RASGRP3: variants seen among roughly 807,000 people sequenced by gnomAD.
The protein encoded by RASGRP3 is ras guanyl-releasing protein 3.
A neutral mutation model predicts 82.7 loss-of-function variants in RASGRP3; 54 were observed. That is an observed-to-expected ratio of 0.65 (90% CI 0.52 to 0.82). RASGRP3 has a LOEUF of 0.82. Ranked by LOEUF, RASGRP3 falls within the 40% of genes least tolerant of loss-of-function variation. The pLI, the probability that RASGRP3 is intolerant of heterozygous loss-of-function variation, is 0.00. For synonymous variants in RASGRP3, 309 were observed against 300.5 expected, an observed-to-expected ratio of 1.03 and a Z score of -0.29; for missense variants, 861 against 828.9, an observed-to-expected ratio of 1.04 and a Z score of -0.48.
chr2:33,545,528 T>G (rs541093068), intron 13 of RASGRP3, among the ~76,000 whole-genome samples: 43 of 152,324 alleles, frequency 2.8e-4, no homozygotes, highest in African/African-American at 9.9e-4. Context: ...TTACACAAAT[T>G]TATGTACCAA....
chr2:33,469,079 G>T (rs1363303399), intron 2 of RASGRP3, among the ~76,000 whole-genome samples: 1 of 152,086 alleles, frequency 6.6e-6, no homozygotes, highest in Non-Finnish European at 1.5e-5. Flanking sequence ...TCTTATCGTT[G>T]TTTAATGTAT....
chr2:33,462,374 T>G (rs549348031), intron 2 of RASGRP3, among the ~76,000 whole-genome samples: 61 of 145,452 alleles, frequency 4.2e-4, no homozygotes, highest in Middle Eastern at 3.8e-3. Context: ...GGTTTTTTTT[T>G]TTTGTTTTTC....
chr2:33,516,893 G>C lies in RASGRP3; in HGVS notation c.173+249G>C, dbSNP rs17013202. 1,425 of 337,946 alleles carry C rather than the reference G, an allele frequency of 4.2e-3. 19 individuals are homozygous for C. Among genetic ancestry groups the C allele is most frequent in the African/African-American group, 0.028 (1,304 of 47,138 alleles). The allele number at this position is 337,946 out of a possible 1,614,324, so 20.9% of individuals were successfully genotyped here. A position where few individuals can be genotyped will look rare whatever the true frequency, so the allele number is the denominator to read the frequency against. ...GATGTAAAATGAAGCAGGAACTGTA[G>C]GCTGGATGTTTCTAACTTGTCTTAA... is the stretch of plus-strand genomic sequence containing the variant. On this transcript the variant is annotated intron_variant, in intron 4 of 17. Transcript: ENST00000403687.
chr2:33,534,584 A>G (rs1042852157), intron 11 of RASGRP3, among the ~76,000 whole-genome samples, 184 bp downstream of exon 11: 3 of 151,890 alleles, frequency 2.0e-5, no homozygotes. Flanking sequence ...GCTGGAGTGC[A>G]ATGGTGCGAT....
intron 1 of RASGRP3, among the ~76,000 whole-genome samples, chr2:33,503,203 T>C (rs932855687): frequency 6.6e-6 from 1 of 152,242 alleles, no homozygotes; most frequent in Admixed American, 6.5e-5. Flanking sequence ...CTTAAAACAT[T>C]TTTGAAATGA....
chr2:33,490,266 T>G (rs1348985690), intron 1 of RASGRP3, among the ~76,000 whole-genome samples: 1 of 152,224 alleles, frequency 6.6e-6, no homozygotes, highest in Non-Finnish European at 1.5e-5. Context: ...TGCCACAACC[T>G]CTGCCAACTT....
chr2:33,465,377 A>G (rs1381226981), intron 2 of RASGRP3, among the ~76,000 whole-genome samples: 1 of 152,240 alleles, frequency 6.6e-6, no homozygotes, highest in Admixed American at 6.5e-5. Context: ...GATAAGGCTT[A>G]AGGAATAACA....
chr2:33,510,853 G>C (rs1670863621), intron 1 of RASGRP3, among the ~76,000 whole-genome samples: 1 of 152,120 alleles, frequency 6.6e-6, no homozygotes, highest in Non-Finnish European at 1.5e-5. Context: ...TCTGAGTCAA[G>C]AGCCTGGTAT....
At chr2:33,455,785 T>G (rs1001587138) in intron 2 of RASGRP3, among the ~76,000 whole-genome samples, 3 of 152,186 alleles carry the variant, frequency 2.0e-5, no homozygotes, top group Admixed American at 2.0e-4. Context: ...TAGTTCAAAT[T>G]CCTTAAAGGA....
chr2:33,497,834 A>G (rs1247826020), intron 1 of RASGRP3, among the ~76,000 whole-genome samples: 1 of 152,238 alleles, frequency 6.6e-6, no homozygotes, highest in Non-Finnish European at 1.5e-5. Flanking sequence ...ATCTACCAAA[A>G]TAATGAATAA....
chr2:33,478,959 G>T (rs545395364), intron 1 of RASGRP3, among the ~76,000 whole-genome samples: 12 of 152,252 alleles, frequency 7.9e-5, no homozygotes, highest in Admixed American at 7.8e-4. Flanking sequence ...TGAGGTTCTT[G>T]ACCATACGTA....
chr2:33,448,566 A>G (rs1238858427), intron 2 of RASGRP3, among the ~76,000 whole-genome samples: 4 of 152,250 alleles, frequency 2.6e-5, no homozygotes, highest in Non-Finnish European at 5.9e-5. Context: ...CCAGACACAA[A>G]AGAACAAATA....
At position 33,549,616 on chromosome 2, in the gene RASGRP3, T is replaced by C. The variant is rs761250635; in HGVS notation, c.1407T>C (p.Ile469=). ...CVLDKDQDGL[I]SKDEMMAYFL... ...ATTCTCTTAACAGGGATGGCCTAAT[T>C]AGTAAAGATGAAATGATGGCTTACT... The change falls in exon 14 of 18, where the codon ATT becomes ATC. Residue 469 remains isoleucine, a synonymous_variant. Coordinates refer to ENST00000403687, the MANE Select transcript of RASGRP3 (RefSeq NM_001139488.2). 6.2e-7 allele frequency: 1 copy of C among 1,612,926 alleles called. No homozygotes were observed. The highest frequency in any genetic ancestry group is 1.7e-5 in the Admixed American group (1 of 59,928).
Position 33,562,791 on chromosome 2 carries a change from C to T in RASGRP3, c.*54C>T, listed in dbSNP as rs561753720. The T allele has an allele frequency of 5.7e-4, 911 of 1,591,784 alleles. 17 individuals carry two copies. In the South Asian group the frequency reaches 9.1e-3, roughly 16 times the overall value. On this transcript the variant is annotated 3_prime_UTR_variant, in exon 18 of 18. Coordinates refer to ENST00000403687, the MANE Select transcript of RASGRP3 (RefSeq NM_001139488.2). ...ATGTTGGCTTTTGGAAGGGGCAAGA[C>T]GAGAAACTCTGAAGAAAGCTCTGAC... is the stretch of plus-strand genomic sequence containing the variant.
intron 1 of RASGRP3, among the ~76,000 whole-genome samples, chr2:33,490,872 C>T (rs1256380984): frequency 6.6e-6 from 1 of 152,174 alleles, no homozygotes; most frequent in Non-Finnish European, 1.5e-5. Context: ...GATACCCAGG[C>T]CCTGGCATAA....
chr2:33,515,307 A>C (rs1464552415), intron 3 of RASGRP3, 101 bp downstream of exon 3: 3 of 1,281,708 alleles, frequency 2.3e-6, no homozygotes, highest in African/African-American at 2.9e-5. Context: ...CAGTCTCTGT[A>C]CCTTGGTATT....
Position 33,525,578 on chromosome 2 carries a change from G to A in RASGRP3, c.807+1030G>A, listed in dbSNP as rs77952181. On this transcript the variant is annotated intron_variant, in intron 9 of 17. Transcript: ENST00000403687. ...CAATTAAACAATAAGCAAATGTATCGTCCATCAGGCGTGGTGGCTCACACC... is the reference window on the plus strand; with the variant it reads ...CAATTAAACAATAAGCAAATGTATCATCCATCAGGCGTGGTGGCTCACACC... 2.5e-4 allele frequency among the ~76,000 whole-genome samples: 38 copies of A among 151,616 alleles called. No individual in the cohort carries two copies. In the East Asian group the frequency reaches 3.5e-3, roughly 14 times the overall value.
chr2:33,562,084 A>T (rs1676724896), intron 17 of RASGRP3, among the ~76,000 whole-genome samples: 1 of 152,046 alleles, frequency 6.6e-6, no homozygotes, highest in South Asian at 2.1e-4. Flanking sequence ...AGATTTACAG[A>T]TTTTCTCAGT....
At chr2:33,561,210 G>T (rs1676611722) in intron 17 of RASGRP3, among the ~76,000 whole-genome samples, 1 of 152,070 alleles carries the variant, frequency 6.6e-6, no homozygotes, top group Non-Finnish European at 1.5e-5. Context: ...GGGACTGCAG[G>T]CATGTGCCAC....
Sources: allele counts gnomAD v4.1 joint callset (sites outside exome capture counted in the v4.1 genomes callset), GRCh38; gene constraint gnomAD v4.1.1; transcripts MANE v1.5; gene names NCBI Gene and HGNC (gene_info 2026-07-23, HGNC 2026-07-21).